The following MCHR2 variants were observed in gnomAD, a reference collection of about 807,000 sequenced individuals.
MCHR2 encodes the protein melanin-concentrating hormone receptor 2.
A neutral mutation model predicts 24.8 loss-of-function variants in MCHR2; 15 were observed. That is an observed-to-expected ratio of 0.60 (90% CI 0.40 to 0.93). The LOEUF (loss-of-function observed/expected upper bound fraction) is 0.93, where lower values mean the gene tolerates loss of function less well. MCHR2 is among the 40% of genes least tolerant of loss of function. MCHR2 has a pLI of 0.00. For missense variants in MCHR2, 386 were observed against 408.7 expected, an observed-to-expected ratio of 0.94 and a Z score of 0.48; for synonymous variants, 151 against 147.6, an observed-to-expected ratio of 1.02 and a Z score of -0.17.
intron 1 of MCHR2, among the ~76,000 whole-genome samples, chr6:99,985,149 T>G (rs1775747489): frequency 1.3e-5 from 2 of 152,022 alleles, no homozygotes; most frequent in Non-Finnish European, 2.9e-5. Flanking sequence ...CAAAAAGAAC[T>G]GCAAAACACT....
chr6:99,970,482 G>T (rs1359476093), intron 1 of MCHR2, among the ~76,000 whole-genome samples: 2 of 152,128 alleles, frequency 1.3e-5, no homozygotes, highest in South Asian at 2.1e-4. Context: ...TATGAGTAGG[G>T]TGCGAAAATT....
At chr6:99,950,456 CAT>C (rs748614969) in intron 2 of MCHR2, among the ~76,000 whole-genome samples, 29 of 152,184 alleles carry the variant, frequency 1.9e-4, no homozygotes, top group African/African-American at 5.8e-4. Context: ...TTTTGGCTAA[CAT>C]GTGCTCCATA....
At chr6:99,943,290 A>G (rs1297963238) in intron 3 of MCHR2, 147 bp from the exon 4 acceptor site, 1 of 252,776 alleles carries the variant, frequency 4.0e-6, no homozygotes, top group Non-Finnish European at 7.5e-6. Context: ...TTTTATATAT[A>G]TATATATTTT....
chr6:99,982,904 T>G (rs2114590004), intron 1 of MCHR2, among the ~76,000 whole-genome samples: 1 of 152,298 alleles, frequency 6.6e-6, no homozygotes, highest in South Asian at 2.1e-4. Flanking sequence ...GTGGTCTTTC[T>G]TAAGGTATAT....
At position 99,971,757 on chromosome 6, in the gene MCHR2, G is replaced by C. The variant is rs1775427098; in HGVS notation, c.-27-15583C>G. ...CCCACCAATACCTAATTTATTGAGA[G>C]TTTTTAGCATGAAGTGTTGTTGAAT... is the stretch of plus-strand genomic sequence containing the variant. On this transcript the variant is annotated intron_variant, in intron 1 of 5. Transcript: ENST00000281806. Among the ~76,000 whole-genome samples, 3 of 152,148 alleles carry C rather than the reference G, an allele frequency of 2.0e-5. No individual in the cohort carries two copies. In the South Asian group the frequency reaches 6.2e-4, roughly 32 times the overall value.
chr6:99,976,625 C>T (rs12055425), intron 1 of MCHR2, among the ~76,000 whole-genome samples: 61,696 of 151,016 alleles, frequency 0.41, 13,103 homozygotes, highest in East Asian at 0.75. Flanking sequence ...CGTGGAGCAC[C>T]ACCTGTGGCT....
chr6:99,929,730 G>T (rs187744615), intron 5 of MCHR2, among the ~76,000 whole-genome samples: 57 of 152,058 alleles, frequency 3.7e-4, no homozygotes, highest in South Asian at 3.3e-3. Flanking sequence ...GCCTATGTGT[G>T]TCTCTGCACG....
intron 1 of MCHR2, among the ~76,000 whole-genome samples, chr6:99,977,773 C>T (rs999720545): frequency 6.6e-6 from 1 of 152,098 alleles, no homozygotes; most frequent in Non-Finnish European, 1.5e-5. Context: ...AAATTAAAAA[C>T]TTGAAATGTC....
At chr6:99,921,297 T>C (rs762815113) in intron 5 of MCHR2, 42 bp from the exon 6 acceptor site, 5 of 1,567,112 alleles carry the variant, frequency 3.2e-6, no homozygotes, top group Admixed American at 1.7e-5. Flanking sequence ...TAAACAACCA[T>C]AGAAATTATG....
At position 99,928,788 on chromosome 6, in the gene MCHR2, G is replaced by C. The variant is rs1430308726; in HGVS notation, c.707+5610C>G. Reference sequence around the variant, plus strand: ...TTTTGTTGATCATTTCAAAAAACCAGCTCCTGGATTAATTAATTCTTTGAA... The same window carrying C: ...TTTTGTTGATCATTTCAAAAAACCACCTCCTGGATTAATTAATTCTTTGAA... On this transcript the variant is annotated intron_variant, in intron 5 of 5. Coordinates refer to ENST00000281806, the MANE Select transcript of MCHR2 (RefSeq NM_001040179.2). Among the ~76,000 whole-genome samples the C allele has an allele frequency of 3.9e-5, 6 of 152,148 alleles. No individual in the cohort carries two copies. The East Asian group carries it at 1.2e-3, about 29-fold the overall frequency.
rs9496071 is a variant in MCHR2 at position 99,980,590 on chromosome 6, C to T, written c.-28+13346G>A. Among the ~76,000 whole-genome samples the T allele has an allele frequency of 7.5e-3, 1,130 of 151,440 alleles. 4 individuals carry two copies. The highest frequency in any genetic ancestry group is 0.012 in the Non-Finnish European group (821 of 67,922). On this transcript the variant is annotated intron_variant, in intron 1 of 5. Coordinates refer to ENST00000281806, the MANE Select transcript of MCHR2 (RefSeq NM_001040179.2). The stretch of plus-strand genomic sequence containing the variant: ...GCGCTCACGCACATGAGTGCAAGTG[C>T]GTGAGAGTGAAAGAGAGGAGAGTGA...
At chr6:99,964,031 T>C (rs562916868) in intron 1 of MCHR2, among the ~76,000 whole-genome samples, 1 of 152,254 alleles carries the variant, frequency 6.6e-6, no homozygotes, top group Non-Finnish European at 1.5e-5. Flanking sequence ...TTAAAAGGCA[T>C]TTAATTTCAC....
chr6:99,988,773 A>G (rs1300438409), intron 1 of MCHR2, among the ~76,000 whole-genome samples: 5 of 152,232 alleles, frequency 3.3e-5, no homozygotes, highest in Non-Finnish European at 5.9e-5. Context: ...ATTAGAAGAC[A>G]CATCACTCCA....
intron 1 of MCHR2, among the ~76,000 whole-genome samples, chr6:99,976,721 C>CTGA (rs1775559443): frequency 6.6e-6 from 1 of 152,202 alleles, no homozygotes; most frequent in African/African-American, 2.4e-5. Flanking sequence ...TCTCCTACTT[C>CTGA]AGTTCACCTT....
chr6:99,925,138 T>A (rs1774323127), intron 5 of MCHR2, among the ~76,000 whole-genome samples: 1 of 152,124 alleles, frequency 6.6e-6, no homozygotes, highest in Non-Finnish European at 1.5e-5. Context: ...ATTGACCCCT[T>A]TTTATCATTA....
Position 99,921,305 on chromosome 6 carries a change from A to T in MCHR2, c.708-50T>A, listed in dbSNP as rs1302188915. The T allele has an allele frequency of 2.0e-6, 3 of 1,535,120 alleles. No individual in the cohort carries two copies. The South Asian group carries it at 3.6e-5, about 18-fold the overall frequency. On this transcript the variant is annotated intron_variant, in intron 5 of 5. Coordinates refer to ENST00000281806, the MANE Select transcript of MCHR2 (RefSeq NM_001040179.2). ...CAGGGTATAAACAACCATAGAAATT[A>T]TGGGGCAATGTGTTCCTAGAACCTT... is the stretch of plus-strand genomic sequence containing the variant.
intron 4 of MCHR2, among the ~76,000 whole-genome samples, chr6:99,942,635 CTG>C (rs1774794175): frequency 6.6e-6 from 1 of 152,146 alleles, no homozygotes; most frequent in African/African-American, 2.4e-5. Flanking sequence ...CTGAGTGACT[CTG>C]GAAATTCCTT....
rs10677779 is a variant in MCHR2 at position 99,980,547 on chromosome 6, ATG to A, written c.-28+13387_-28+13388del. ...CTTGAGAAACTTCATGTGAAAGCAT[ATG>A]TGTGTGTGTGTGTGTGCGCTCACGC... On this transcript the variant is annotated intron_variant, in intron 1 of 5. Coordinates refer to ENST00000281806, the MANE Select transcript of MCHR2 (RefSeq NM_001040179.2). Among the ~76,000 whole-genome samples the A allele has an allele frequency of 1.4e-4, 21 of 150,486 alleles. No individual in the cohort carries two copies. In the East Asian group the frequency reaches 1.8e-3, roughly 13 times the overall value.
At chr6:99,938,825 T>C (rs1774717797) in intron 4 of MCHR2, among the ~76,000 whole-genome samples, 1 of 152,062 alleles carries the variant, frequency 6.6e-6, no homozygotes, top group African/African-American at 2.4e-5. Flanking sequence ...GCCCTCTCTC[T>C]CCCTGAAGAT....
Sources: allele counts gnomAD v4.1 joint callset (sites outside exome capture counted in the v4.1 genomes callset), GRCh38; gene constraint gnomAD v4.1.1; transcripts MANE v1.5; gene names NCBI Gene and HGNC (gene_info 2026-07-23, HGNC 2026-07-21).